Variants in ALDH5A1 observed in about 807,000 individuals in gnomAD.
ALDH5A1 encodes aldehyde dehydrogenase 5 family member A1.
A neutral mutation model predicts 54.7 loss-of-function variants in ALDH5A1; 33 were observed. That is an observed-to-expected ratio of 0.60 (90% confidence interval 0.46 to 0.81). The LOEUF is 0.81. Ranked by LOEUF, ALDH5A1 falls within the 30% of genes least tolerant of loss-of-function variation. The pLI is 0.00. For missense variants in ALDH5A1, 657 were observed against 711.0 expected, an observed-to-expected ratio of 0.92 and a Z score of 0.86; for synonymous variants, 294 against 292.7, an observed-to-expected ratio of 1.00 and a Z score of -0.05.
At chr6:24,527,924 A>G in intron 7 of ALDH5A1, 73 bp from the exon 8 acceptor site, 1 of 1,555,754 alleles carries the variant, frequency 6.4e-7, no homozygotes, top group Non-Finnish European at 8.8e-7. Context: ...GGAACTAGTT[A>G]TAGTTTTCTG....
chr6:24,521,350 G>A (rs901395399), intron 6 of ALDH5A1, among the ~76,000 whole-genome samples: 11 of 152,230 alleles, frequency 7.2e-5, no homozygotes, highest in Non-Finnish European at 1.6e-4. Flanking sequence ...GAGATCAGAC[G>A]TCTTTGGGCC....
intron 1 of ALDH5A1, 138 bp downstream of exon 1, chr6:24,495,488 C>A: frequency 1.1e-6 from 1 of 883,604 alleles, no homozygotes; most frequent in Non-Finnish European, 1.7e-6. Flanking sequence ...AGTGGAAAGT[C>A]AGAGCAACAA....
At position 24,534,077 on chromosome 6, in the gene ALDH5A1, C is replaced by T. The variant is rs1244679414; in HGVS notation, c.*365C>T. On this transcript the variant is annotated 3_prime_UTR_variant, in exon 10 of 10. Coordinates refer to ENST00000357578, the MANE Select transcript of ALDH5A1 (RefSeq NM_001080.3). ...CCTGGGCAGTGGCACAACCATCCCC[C>T]ATGTCGCTACAGAACATGGGCCCAG... 1 of 281,082 alleles carries T rather than the reference C, an allele frequency of 3.6e-6. No homozygotes were observed. 17.4% of individuals were successfully genotyped at this position (281,082 alleles called of 1,614,324 possible). A position where few individuals can be genotyped will look rare whatever the true frequency, so the allele number is the denominator to read the frequency against.
intron 8 of ALDH5A1, 151 bp downstream of exon 8, chr6:24,528,317 T>C: frequency 1.2e-6 from 1 of 827,732 alleles, no homozygotes. Flanking sequence ...TTTATGGGTT[T>C]TTAAAAAAAT....
At chr6:24,497,072 A>C (rs1764725717) in intron 1 of ALDH5A1, among the ~76,000 whole-genome samples, 1 of 152,184 alleles carries the variant, frequency 6.6e-6, no homozygotes. Flanking sequence ...AGTGAGTGTT[A>C]CAGCTCTTAA....
At chr6:24,500,694 A>G (rs1446352907) in intron 1 of ALDH5A1, among the ~76,000 whole-genome samples, 2 of 149,290 alleles carry the variant, frequency 1.3e-5, no homozygotes, top group African/African-American at 4.9e-5. Flanking sequence ...GTAGGGAACT[A>G]TATACCTTTG....
chr6:24,516,178 T>C (rs3886624), intron 5 of ALDH5A1, among the ~76,000 whole-genome samples: 12,005 of 152,138 alleles, frequency 0.079, 1,075 homozygotes, highest in African/African-American at 0.22. Flanking sequence ...GGCTCACACC[T>C]GTAATCCCAA....
intron 2 of ALDH5A1, 37 bp downstream of exon 2, chr6:24,502,643 TC>T (rs1295362979): frequency 1.3e-6 from 2 of 1,541,974 alleles, no homozygotes; most frequent in Non-Finnish European, 1.8e-6. Flanking sequence ...ACTGAGAAAT[TC>T]TCCAGGAATT....
chr6:24,495,267 G>A lies in ALDH5A1; in HGVS notation c.271G>A (p.Ala91Thr). The A allele has an allele frequency of 6.5e-7, 1 of 1,532,488 alleles. No homozygotes were observed. The highest frequency in any genetic ancestry group is 1.4e-5 in the African/African-American group (1 of 72,896). The allele number at this position is 1,532,488 out of a possible 1,614,324, so 94.9% of individuals were successfully genotyped here. The change falls in exon 1 of 10, where the codon GCC becomes ACC. Residue 91 changes from alanine to threonine, a missense_variant. Ala to Thr is a moderately conservative substitution (Grantham distance 58). Transcript: ENST00000357578. Reference protein sequence around the residue: ...PASGAALGMVADCGVREARAA... With the variant: ...PASGAALGMVTDCGVREARAA... ...CAGCGGCGCCGCTCTGGGCATGGTA[G>A]CCGACTGCGGGGTGCGAGAGGCCCG...
At position 24,495,076 on chromosome 6, in the gene ALDH5A1, G is replaced by T. The variant is rs749120771; in HGVS notation, c.80G>T (p.Arg27Leu). ...STFPGCRLRP[R>L]AGGLVPASGP... ...TTTCCAGGCTGCCGCCTCCGCCCCC[G>T]CGCCGGCGGCCTGGTCCCTGCCTCC... Residue 27 changes from arginine (R) to leucine (L), a missense_variant, in exon 1 of 10, where the codon CGC (arginine) becomes CTC (leucine). Arg to Leu is a moderately radical substitution (Grantham distance 102). Around this residue, in one of 2 missense-constraint regions of ALDH5A1, gnomAD observed 232 missense variants for 194.6 expected, o/e 1.19. Transcript: ENST00000357578. 7.6e-7 allele frequency: 1 copy of T among 1,322,096 alleles called. No homozygotes were observed. The highest frequency in any genetic ancestry group is 9.6e-7 in the Non-Finnish European group (1 of 1,037,662). 81.9% of individuals were successfully genotyped at this position (1,322,096 alleles called of 1,614,324 possible). A position where few individuals can be genotyped will look rare whatever the true frequency, so the allele number is the denominator to read the frequency against.
At chr6:24,500,014 C>T (rs907282177) in intron 1 of ALDH5A1, among the ~76,000 whole-genome samples, 1 of 152,080 alleles carries the variant, frequency 6.6e-6, no homozygotes, top group Non-Finnish European at 1.5e-5. Flanking sequence ...CACCGCATTG[C>T]CCAAGCTGGT....
intron 4 of ALDH5A1, among the ~76,000 whole-genome samples, chr6:24,505,320 G>T (rs1053188313): frequency 6.6e-6 from 1 of 152,176 alleles, no homozygotes; most frequent in Non-Finnish European, 1.5e-5. Flanking sequence ...AGTTCAATCT[G>T]CATTCCATTA....
intron 5 of ALDH5A1, among the ~76,000 whole-genome samples, chr6:24,516,255 T>C (rs1217280296): frequency 6.6e-6 from 1 of 151,510 alleles, no homozygotes. Context: ...GCTAACACGG[T>C]GAAACCCCAA....
Position 24,532,100 on chromosome 6 carries a change from C to A in ALDH5A1, c.1344-19C>A. ...CCTCTCCCCCTTACATTTTTTATGA[C>A]CTATCTTAACTTTGGCAGGTTCGAT... On this transcript the variant is annotated intron_variant, in intron 8 of 9. Coordinates refer to ENST00000357578, the MANE Select transcript of ALDH5A1 (RefSeq NM_001080.3). 2 of 1,612,916 alleles carry A rather than the reference C, an allele frequency of 1.2e-6. No homozygotes were observed. The highest frequency in any genetic ancestry group is 1.7e-6 in the Non-Finnish European group (2 of 1,178,900).
At chr6:24,525,646 T>C (rs1026937309) in intron 7 of ALDH5A1, among the ~76,000 whole-genome samples, 3 of 151,978 alleles carry the variant, frequency 2.0e-5, no homozygotes, top group Non-Finnish European at 2.9e-5. Context: ...AGGCGGAGGT[T>C]GCAGTGAGCA....
intron 5 of ALDH5A1, among the ~76,000 whole-genome samples, chr6:24,517,762 A>G (rs1276598974): frequency 6.6e-6 from 1 of 152,222 alleles, no homozygotes; most frequent in African/African-American, 2.4e-5. Context: ...GGGATAACTG[A>G]TGCATAACTA....
chr6:24,504,659 A>G (rs1473859894), intron 3 of ALDH5A1, among the ~76,000 whole-genome samples: 3 of 152,210 alleles, frequency 2.0e-5, no homozygotes, highest in African/African-American at 4.8e-5. Context: ...GTTAAATTCT[A>G]AAAATATTTC....
intron 4 of ALDH5A1, among the ~76,000 whole-genome samples, chr6:24,508,739 A>G (rs562104886): frequency 6.6e-6 from 1 of 152,134 alleles, no homozygotes; most frequent in Non-Finnish European, 1.5e-5. Context: ...CCCACCAGCA[A>G]TGTAGAAATG....
At chr6:24,504,304 C>T (rs1581808022) in intron 3 of ALDH5A1, among the ~76,000 whole-genome samples, 1 of 152,196 alleles carries the variant, frequency 6.6e-6, no homozygotes, top group East Asian at 1.9e-4. Flanking sequence ...TAGAGTTTTT[C>T]AAAATAAAAT....
Sources: allele counts gnomAD v4.1 joint callset (sites outside exome capture counted in the v4.1 genomes callset), GRCh38; gene constraint gnomAD v4.1.1; regional missense constraint gnomAD v4.1.1; transcripts MANE v1.5; gene names NCBI Gene and HGNC (gene_info 2026-07-23, HGNC 2026-07-21).